The following PTAFR variants were observed in gnomAD, a reference collection of about 807,000 sequenced individuals.
PTAFR encodes platelet activating factor receptor.
In PTAFR, 8 loss-of-function variants were observed where a neutral mutation model predicts 14.7. The ratio of observed to expected loss-of-function variants is 0.54; its 90% CI spans 0.32 to 0.98. The LOEUF is 0.98. Ranked by LOEUF, PTAFR falls within the 50% of genes least tolerant of loss-of-function variation. The pLI, the probability that PTAFR is intolerant of heterozygous loss-of-function variation, is 0.04. For missense variants in PTAFR, 337 were observed against 451.2 expected, an observed-to-expected ratio of 0.75 and a Z score of 2.29; for synonymous variants, 156 against 176.5, an observed-to-expected ratio of 0.88 and a Z score of 0.92.
chr1:28,190,239 G>A (rs2149009749), intron 1 of PTAFR, among the ~76,000 whole-genome samples: 1 of 152,044 alleles, frequency 6.6e-6, no homozygotes, highest in South Asian at 2.1e-4. Flanking sequence ...CAGAGTGCTG[G>A]GATTACAGGC....
At chr1:28,158,760 C>A (rs1256106171) in intron 1 of PTAFR, among the ~76,000 whole-genome samples, 2 of 152,006 alleles carry the variant, frequency 1.3e-5, no homozygotes, top group Non-Finnish European at 2.9e-5. Context: ...GGAGTCTGGA[C>A]TTTATTCTGC....
chr1:28,192,389 G>A lies in PTAFR; in HGVS notation c.-39+1333C>T, dbSNP rs368589141. 4.1e-4 allele frequency among the ~76,000 whole-genome samples: 62 copies of A among 151,752 alleles called. No individual in the cohort carries two copies. The East Asian group carries it at 9.9e-3, about 24-fold the overall frequency. On this transcript the variant is annotated intron_variant, in intron 1 of 1. Coordinates refer to the PTAFR transcript ENST00000305392. ...AGCCTGACCAACATGGAGAAACCCCGTCTCTACAAAAATAGAAAATTAGCC... is the reference window on the plus strand; with the variant it reads ...AGCCTGACCAACATGGAGAAACCCCATCTCTACAAAAATAGAAAATTAGCC...
chr1:28,179,416 T>C (rs1646545076), upstream of PTAFR, among the ~76,000 whole-genome samples: 1 of 152,178 alleles, frequency 6.6e-6, no homozygotes, highest in Admixed American at 6.5e-5. Flanking sequence ...GGTAGGTAGG[T>C]AGATATTACT....
chr1:28,167,677 ACTCTGTCGC>A (rs1308380214), intron 1 of PTAFR, among the ~76,000 whole-genome samples: 1 of 103,190 alleles, frequency 9.7e-6, no homozygotes, highest in East Asian at 3.1e-4. Flanking sequence ...ATGGAGCCTT[ACTCTGTCGC>A]CCAGGCTGGA....
chr1:28,184,858 T>C (rs1246981469), intron 1 of PTAFR, among the ~76,000 whole-genome samples: 1 of 152,142 alleles, frequency 6.6e-6, no homozygotes, highest in Non-Finnish European at 1.5e-5. Context: ...CAGGCTGGTC[T>C]CGAACTCATG....
chr1:28,175,268 A>C (rs1409588209), intron 1 of PTAFR, among the ~76,000 whole-genome samples: 3 of 152,112 alleles, frequency 2.0e-5, no homozygotes, highest in Non-Finnish European at 4.4e-5. Flanking sequence ...GAACTTCCGA[A>C]CAACTCAAGG....
At chr1:28,187,449 A>G (rs1243712918) in intron 1 of PTAFR, among the ~76,000 whole-genome samples, 2 of 152,194 alleles carry the variant, frequency 1.3e-5, no homozygotes, top group African/African-American at 2.4e-5. Context: ...GAAAAGCAAA[A>G]TATGCAAAAT....
chr1:28,158,681 G>C (rs923213333), intron 1 of PTAFR, among the ~76,000 whole-genome samples: 1 of 152,018 alleles, frequency 6.6e-6, no homozygotes, highest in East Asian at 1.9e-4. Context: ...CTGGGCAACA[G>C]AGCCAGACTC....
upstream of PTAFR, among the ~76,000 whole-genome samples, chr1:28,178,132 A>G (rs930195935): frequency 2.6e-5 from 4 of 152,154 alleles, no homozygotes; most frequent in East Asian, 7.7e-4. Flanking sequence ...AGGTATAAGG[A>G]GAGTCGGGGG....
At chr1:28,171,337 A>C (rs1442496683) in intron 1 of PTAFR, among the ~76,000 whole-genome samples, 1 of 151,820 alleles carries the variant, frequency 6.6e-6, no homozygotes, top group African/African-American at 2.4e-5. Context: ...AAAAAAAAAA[A>C]CTTGACCTCA....
In PTAFR at chr1:28,150,046, T is replaced by C. The variant is rs757468834; in HGVS notation, c.976A>G (p.Thr326Ala). The C allele has an allele frequency of 3.1e-6, 5 of 1,614,166 alleles. No homozygotes were observed. Among genetic ancestry groups the C allele is most frequent in the Non-Finnish European group, 1.7e-6 (2 of 1,180,012 alleles). Reference sequence around the variant, plus strand: ...TGGTTGAATGGCACAACCACTTCAGTGACCGTATCCGTGGTGGCCCGGGAG... The same window carrying C: ...TGGTTGAATGGCACAACCACTTCAGCGACCGTATCCGTGGTGGCCCGGGAG... Reference protein sequence around the residue: ...KCSRATTDTVTEVVVPFNQIP... With the variant: ...KCSRATTDTVAEVVVPFNQIP... Residue 326 changes from threonine to alanine, a missense_variant, in exon 2 of 2, where the codon ACT (threonine) becomes GCT (alanine). Coordinates refer to ENST00000373857, the MANE Select transcript of PTAFR (RefSeq NM_000952.5). This position sits in a 1 kb window ranked among gnomAD's most constrained non-coding sequence, Gnocchi z 6.3.
rs1190430578 is a variant in PTAFR at position 28,149,455 on chromosome 1, T to C, written c.*538A>G. The C allele has an allele frequency of 2.6e-5, 4 of 151,802 alleles. No homozygotes were observed. The highest frequency in any genetic ancestry group is 9.8e-5 in the African/African-American group (4 of 40,956). 9.4% of individuals were successfully genotyped at this position (151,802 alleles called of 1,614,324 possible). Reference sequence around the variant, plus strand: ...TTCAAGCGATTCTCCTGCCTCAGCCTCCTGAGTAGCTGGGACTACAGGCGT... The same window carrying C: ...TTCAAGCGATTCTCCTGCCTCAGCCCCCTGAGTAGCTGGGACTACAGGCGT... On this transcript the variant is annotated 3_prime_UTR_variant, in exon 2 of 2. Transcript: ENST00000373857.
In PTAFR at chr1:28,150,579, G is replaced by T; in HGVS notation, c.443C>A (p.Ala148Asp). ...SLVIWVAIVG[A>D]ASYFLILDST... The stretch of plus-strand genomic sequence containing the variant: ...GTCCAGGATGAGGAAGTAGGATGCA[G>T]CTCCCACAATGGCCACCCAGATGAC... The change falls in exon 2 of 2, where the codon GCT becomes GAT. Residue 148 changes from alanine to aspartate, a missense_variant. Coordinates refer to ENST00000373857, the MANE Select transcript of PTAFR (RefSeq NM_000952.5). The surrounding 1 kb of genome is among the most constrained non-coding windows in gnomAD (Gnocchi z 6.3). 5 of 1,614,230 alleles carry T rather than the reference G, an allele frequency of 3.1e-6. No homozygotes were observed. Among genetic ancestry groups the T allele is most frequent in the Non-Finnish European group, 4.2e-6 (5 of 1,180,048 alleles).
upstream of PTAFR, among the ~76,000 whole-genome samples, chr1:28,178,692 A>G (rs1646538082): frequency 1.3e-5 from 2 of 151,390 alleles, no homozygotes; most frequent in South Asian, 2.1e-4. Context: ...GCACACTCGC[A>G]TACACTCAGC....
intron 1 of PTAFR, among the ~76,000 whole-genome samples, chr1:28,156,709 T>A (rs1441588290): frequency 6.6e-6 from 1 of 152,188 alleles, no homozygotes; most frequent in East Asian, 1.9e-4. Flanking sequence ...CCAGAAGACT[T>A]GAATACTGCT....
exon 1 of PTAFR, chr1:28,193,771 CA>C (rs1557701450): frequency 6.6e-6 from 1 of 152,670 alleles, no homozygotes; most frequent in African/African-American, 2.4e-5. Flanking sequence ...GAGGCTGAGG[CA>C]GATGGGGGTC....
chr1:28,193,051 G>A (rs949328755), intron 1 of PTAFR, among the ~76,000 whole-genome samples: 1 of 152,194 alleles, frequency 6.6e-6, no homozygotes, highest in African/African-American at 2.4e-5. Flanking sequence ...GGCTGCCAGT[G>A]CATGAGCTCG....
At chr1:28,151,761 G>A (rs1172922984) in intron 1 of PTAFR, among the ~76,000 whole-genome samples, 2 of 152,118 alleles carry the variant, frequency 1.3e-5, no homozygotes. Flanking sequence ...GCCATGTGAG[G>A]TCACAGCTTT....
rs561932709 is a variant in PTAFR at position 28,184,473 on chromosome 1, A to T, written c.-39+9249T>A. On this transcript the variant is annotated intron_variant, in intron 1 of 1. Transcript: ENST00000305392. Reference sequence around the variant, plus strand: ...ATCACTCCTCTGCTCAAAGCCCCCCAGGGCCTTCCATCTCACGTACAGGAG... The same window carrying T: ...ATCACTCCTCTGCTCAAAGCCCCCCTGGGCCTTCCATCTCACGTACAGGAG... 3.9e-5 allele frequency among the ~76,000 whole-genome samples: 6 copies of T among 152,228 alleles called. No individual in the cohort carries two copies. The East Asian group carries it at 9.7e-4, about 25-fold the overall frequency.
Sources: allele counts gnomAD v4.1 joint callset (sites outside exome capture counted in the v4.1 genomes callset), GRCh38; gene constraint gnomAD v4.1.1; non-coding constraint Gnocchi (gnomAD v3.1); transcripts MANE v1.5; gene names NCBI Gene and HGNC (gene_info 2026-07-23, HGNC 2026-07-21).